EYA3: variants seen among roughly 807,000 people sequenced by gnomAD.
EYA3 encodes protein phosphatase EYA3.
EYA3 carries 39 observed loss-of-function variants against 80.0 expected under a neutral mutation model. That is an observed-to-expected ratio of 0.49 (90% CI 0.38 to 0.64). The LOEUF (loss-of-function observed/expected upper bound fraction) is 0.64. Among genes scored for constraint, EYA3 ranks in the 30% least tolerant of loss-of-function variants. The pLI is 0.00. For synonymous variants in EYA3, 206 were observed against 232.8 expected, an observed-to-expected ratio of 0.88 and a Z score of 1.05; for missense variants, 523 against 676.1, an observed-to-expected ratio of 0.77 and a Z score of 2.51.
intron 16 of EYA3, among the ~76,000 whole-genome samples, chr1:27,985,339 A>C (rs1639582310): frequency 6.6e-6 from 1 of 151,996 alleles, no homozygotes; most frequent in South Asian, 2.1e-4. Context: ...TCAGCCTCTC[A>C]AAGTGCTGGG....
Position 28,013,584 on chromosome 1 carries a change from TCTAA to T in EYA3, c.586-294_586-291del, listed in dbSNP as rs1364040219. ...ATACACATGGTGTCCCTTTTTGTAC[TCTAA>T]CAGCCTCTTCCCCCAGTTTTATGTA... On this transcript the variant is annotated intron_variant, in intron 8 of 17. Transcript: ENST00000373871. The surrounding 1 kb of genome is among the most constrained non-coding windows in gnomAD (Gnocchi z 4.0). 6.6e-6 allele frequency among the ~76,000 whole-genome samples: 1 copy of T among 152,192 alleles called. No homozygotes were observed. Among genetic ancestry groups the T allele is most frequent in the Non-Finnish European group, 1.5e-5 (1 of 68,042 alleles).
intron 11 of EYA3, among the ~76,000 whole-genome samples, chr1:28,003,050 A>AT (rs1640993312): frequency 6.7e-6 from 1 of 150,038 alleles, no homozygotes; most frequent in Non-Finnish European, 1.5e-5. Context: ...AGGTCAGGAG[A>AT]TCAAGACCAT....
At chr1:28,060,790 C>T (rs982340706) in intron 1 of EYA3, among the ~76,000 whole-genome samples, 1 of 152,078 alleles carries the variant, frequency 6.6e-6, no homozygotes, top group African/African-American at 2.4e-5. Flanking sequence ...CCGAGGCAGG[C>T]GGATCACAAG....
At chr1:28,001,639 T>C (rs1186858781) in intron 11 of EYA3, among the ~76,000 whole-genome samples, 1 of 146,056 alleles carries the variant, frequency 6.8e-6, no homozygotes, top group Non-Finnish European at 1.5e-5. Context: ...CTCAGGGGAC[T>C]GAGGCAGGAG....
At chr1:28,002,918 G>C (rs926090432) in intron 11 of EYA3, among the ~76,000 whole-genome samples, 1 of 151,648 alleles carries the variant, frequency 6.6e-6, no homozygotes, top group Non-Finnish European at 1.5e-5. Context: ...GCTGGAGTTC[G>C]AGTCCAGCCT....
intron 1 of EYA3, among the ~76,000 whole-genome samples, chr1:28,087,021 A>G (rs113573006): frequency 5.3e-5 from 8 of 152,352 alleles, no homozygotes; most frequent in South Asian, 2.1e-4. Context: ...CTAATTAGCC[A>G]AAAGATAAGC....
At chr1:27,995,909 G>A (rs539987980) in intron 13 of EYA3, among the ~76,000 whole-genome samples, 4 of 152,150 alleles carry the variant, frequency 2.6e-5, no homozygotes, top group Non-Finnish European at 5.9e-5. Context: ...GTCTCACTCT[G>A]TCACCCAGGT....
At chr1:28,071,524 T>A (rs748576335) in intron 1 of EYA3, among the ~76,000 whole-genome samples, 2 of 152,206 alleles carry the variant, frequency 1.3e-5, no homozygotes, top group Non-Finnish European at 2.9e-5. Flanking sequence ...CATAATATGG[T>A]ACTAAATGAT....
chr1:27,993,693 T>C, intron 13 of EYA3, 133 bp from the exon 14 acceptor site: 1 of 632,506 alleles, frequency 1.6e-6, no homozygotes, highest in South Asian at 2.8e-5. Flanking sequence ...TTAATCTCTG[T>C]ATGTCAGAGT....
At chr1:28,078,005 GTTTT>G (rs1209879425) in intron 1 of EYA3, among the ~76,000 whole-genome samples, 1 of 152,002 alleles carries the variant, frequency 6.6e-6, no homozygotes, top group African/African-American at 2.4e-5. Flanking sequence ...TCTAGGTTCA[GTTTT>G]TTTATTAATG....
At chr1:28,054,363 C>CT (rs1236560803) in intron 2 of EYA3, among the ~76,000 whole-genome samples, 3 of 152,140 alleles carry the variant, frequency 2.0e-5, no homozygotes, top group Non-Finnish European at 2.9e-5. Context: ...GCAAAAAAAT[C>CT]TTTTTGTCTT....
intron 5 of EYA3, among the ~76,000 whole-genome samples, chr1:28,038,037 T>A (rs1643548020): frequency 6.6e-6 from 1 of 152,048 alleles, no homozygotes; most frequent in African/African-American, 2.4e-5. Context: ...CTGGCTGATA[T>A]TAATGCTGAT....
intron 11 of EYA3, among the ~76,000 whole-genome samples, chr1:28,003,681 T>A (rs1287587937): frequency 6.6e-6 from 1 of 152,164 alleles, no homozygotes; most frequent in Non-Finnish European, 1.5e-5. Context: ...TAGTTGAGAC[T>A]ACAGGTGCAT....
chr1:28,006,959 GAGAA>G (rs1641325517), intron 10 of EYA3, among the ~76,000 whole-genome samples: 1 of 34,776 alleles, frequency 2.9e-5, no homozygotes, highest in East Asian at 8.1e-4. Flanking sequence ...TTTTTTTTTT[GAGAA>G]AGAGTGTCGC....
intron 3 of EYA3, among the ~76,000 whole-genome samples, chr1:28,045,956 C>G (rs1643987955): frequency 1.3e-5 from 2 of 152,148 alleles, no homozygotes; most frequent in South Asian, 4.1e-4. Context: ...AATTCTGACA[C>G]ATGCTACAAA....
intron 2 of EYA3, among the ~76,000 whole-genome samples, chr1:28,050,823 T>G (rs1269980425): frequency 6.6e-6 from 1 of 152,126 alleles, no homozygotes; most frequent in Admixed American, 6.5e-5. Context: ...GACAGACAGA[T>G]TTTACTCAAT....
intron 6 of EYA3, among the ~76,000 whole-genome samples, chr1:28,032,885 A>T (rs1367574396): frequency 2.6e-5 from 4 of 152,216 alleles, no homozygotes; most frequent in Non-Finnish European, 4.4e-5. Context: ...TTCTAGAATG[A>T]AACAATCCTG....
At chr1:28,085,852 A>G (rs978091379) in intron 1 of EYA3, among the ~76,000 whole-genome samples, 4 of 152,212 alleles carry the variant, frequency 2.6e-5, no homozygotes, top group African/African-American at 7.2e-5. Flanking sequence ...AACTGCTCCA[A>G]TGACTACACA....
intron 1 of EYA3, among the ~76,000 whole-genome samples, chr1:28,070,825 T>A (rs981611041): frequency 8.5e-5 from 13 of 152,214 alleles, no homozygotes; most frequent in African/African-American, 3.1e-4. Context: ...AGGTACTTCA[T>A]GGATCTTGAG....
Sources: allele counts gnomAD v4.1 joint callset (sites outside exome capture counted in the v4.1 genomes callset), GRCh38; gene constraint gnomAD v4.1.1; non-coding constraint Gnocchi (gnomAD v3.1); transcripts MANE v1.5; gene names NCBI Gene and HGNC (gene_info 2026-07-23, HGNC 2026-07-21).